FBXW10B: variants seen among roughly 807,000 people sequenced by gnomAD.
The protein encoded by FBXW10B is F-box and WD repeat domain containing protein 10B.
chr17:15,585,825 C>T, the FBXW10B span, among the ~76,000 whole-genome samples: 146 of 152,324 alleles, frequency 9.6e-4, 2 homozygotes, highest in South Asian at 0.025. Flanking sequence ...TTGATCTGTC[C>T]GCTTTTTCTT....
At chr17:15,610,456 A>T in the FBXW10B span, among the ~76,000 whole-genome samples, 41 of 152,052 alleles carry the variant, frequency 2.7e-4, no homozygotes, top group Non-Finnish European at 4.6e-4. Flanking sequence ...CTTTAGCTTC[A>T]CTATCTTAGT....
At chr17:15,580,536 A>G in the FBXW10B span, among the ~76,000 whole-genome samples, 7 of 49,986 alleles carry the variant, frequency 1.4e-4, no homozygotes, top group African/African-American at 4.0e-4. Flanking sequence ...ATTGAAGATA[A>G]AAATAGTGGT....
the FBXW10B span, among the ~76,000 whole-genome samples, chr17:15,567,014 G>A: frequency 6.6e-6 from 1 of 151,470 alleles, no homozygotes; most frequent in African/African-American, 2.4e-5. Context: ...GCTCACGCCT[G>A]TAATCCCAGC....
chr17:15,582,746 G>T, the FBXW10B span, among the ~76,000 whole-genome samples: 1 of 152,204 alleles, frequency 6.6e-6, no homozygotes, highest in Non-Finnish European at 1.5e-5. Context: ...GTGGAGCCAA[G>T]AATAATAGAA....
chr17:15,619,203 A>G, the FBXW10B span: 90 of 1,613,828 alleles, frequency 5.6e-5, no homozygotes, highest in Non-Finnish European at 7.5e-5. Context: ...TTCAAGGAGG[A>G]CTTCACAACT....
At chr17:15,612,282 C>T in the FBXW10B span, among the ~76,000 whole-genome samples, 13 of 151,748 alleles carry the variant, frequency 8.6e-5, no homozygotes, top group East Asian at 9.7e-4. Context: ...CCGAGGCGGG[C>T]GGATCACAAG....
the FBXW10B span, among the ~76,000 whole-genome samples, chr17:15,586,592 C>T: frequency 6.6e-6 from 1 of 151,606 alleles, no homozygotes; most frequent in African/African-American, 2.4e-5. Flanking sequence ...TTCAAGTCCC[C>T]TTGTATACCT....
At chr17:15,598,357 A>ATGGAT in the FBXW10B span, 1 of 730,652 alleles carries the variant, frequency 1.4e-6, no homozygotes, top group Non-Finnish European at 1.6e-6. Context: ...TGTTGAATGG[A>ATGGAT]TGGATTGATT....
At chr17:15,592,234 G>A in the FBXW10B span, among the ~76,000 whole-genome samples, 6 of 149,744 alleles carry the variant, frequency 4.0e-5, no homozygotes, top group East Asian at 2.0e-4. Flanking sequence ...TTAGACTTCC[G>A]TTCACTCAAG....
chr17:15,580,425 C>T, the FBXW10B span, among the ~76,000 whole-genome samples: 3 of 150,838 alleles, frequency 2.0e-5, no homozygotes, highest in Non-Finnish European at 3.0e-5. Context: ...GCAAGAGCAC[C>T]AACGTTTAAA....
chr17:15,599,008 C>G, the FBXW10B span, among the ~76,000 whole-genome samples: 1 of 151,966 alleles, frequency 6.6e-6, no homozygotes, highest in Non-Finnish European at 1.5e-5. Flanking sequence ...AATCCTGTCT[C>G]TACTAAAAAT....
the FBXW10B span, chr17:15,571,495 T>A: frequency 6.6e-6 from 1 of 152,218 alleles, no homozygotes; most frequent in Non-Finnish European, 1.5e-5. Context: ...CCTATTAGCA[T>A]AATTAACATT....
chr17:15,615,504 G>A, the FBXW10B span: 754 of 1,422,176 alleles, frequency 5.3e-4, 11 homozygotes, highest in South Asian at 6.3e-3. Context: ...TAGTAGAGAC[G>A]GGGTTTCACC....
At chr17:15,569,605 G>A in the FBXW10B span, among the ~76,000 whole-genome samples, 1 of 151,392 alleles carries the variant, frequency 6.6e-6, no homozygotes, top group African/African-American at 2.4e-5. Flanking sequence ...AATTACAGGT[G>A]CCAGTCGCTG....
chr17:15,611,852 C>T, the FBXW10B span, among the ~76,000 whole-genome samples: 4 of 152,196 alleles, frequency 2.6e-5, no homozygotes, highest in Non-Finnish European at 5.9e-5. Flanking sequence ...CTTCCGGTCA[C>T]TCTTCATTAT....
the FBXW10B span, among the ~76,000 whole-genome samples, chr17:15,612,256 C>T: frequency 1.3e-5 from 2 of 152,132 alleles, no homozygotes; most frequent in East Asian, 1.9e-4. Flanking sequence ...GCCTGTAATC[C>T]CAGCACTTTG....
chr17:15,567,010 G>T, the FBXW10B span, among the ~76,000 whole-genome samples: 1 of 151,020 alleles, frequency 6.6e-6, no homozygotes, highest in Non-Finnish European at 1.5e-5. Context: ...GGTGGCTCAC[G>T]CCTGTAATCC....
the FBXW10B span, among the ~76,000 whole-genome samples, chr17:15,602,079 T>C: frequency 1.3e-5 from 2 of 149,896 alleles, no homozygotes; most frequent in African/African-American, 2.5e-5. Context: ...ACCACTGCAC[T>C]CTAGCCTGGG....
chr17:15,600,018 C>G, the FBXW10B span, among the ~76,000 whole-genome samples: 6 of 151,818 alleles, frequency 4.0e-5, no homozygotes, highest in East Asian at 1.2e-3. Context: ...AGATCGAGAC[C>G]ATCCTGGCTA....
Sources: gnomAD v4.1 joint callset for allele counts (sites outside exome capture counted in the v4.1 genomes callset) on GRCh38, gnomAD v4.1.1 for gene constraint, MANE v1.5 for transcripts, NCBI Gene and HGNC (gene_info 2026-07-23, HGNC 2026-07-21) for gene names.